Variants in USP35 observed in about 807,000 individuals in gnomAD.
USP35 encodes the protein ubiquitin carboxyl-terminal hydrolase 35.
Under a neutral mutation model 83.8 loss-of-function variants are expected in USP35, and 69 were observed. The observed-to-expected ratio is 0.82, with a 90% confidence interval of 0.68 to 1.01. The LOEUF is 1.01. Ranked by LOEUF, USP35 falls within the 50% of genes least tolerant of loss-of-function variation. The pLI is 0.00. For missense variants in USP35, 1,503 were observed against 1,362.5 expected (o/e 1.10, Z -1.62); for synonymous variants, 714 against 589.5 (o/e 1.21, Z -3.06).
downstream of USP35, chr11:78,215,902 G>C (rs1218879282): frequency 6.5e-6 from 1 of 152,700 alleles, no homozygotes; most frequent in Admixed American, 6.5e-5. Context: ...CATGGGAGAA[G>C]GGGCCAGAGG....
At chr11:78,205,769 C>T (rs1312360535) in intron 6 of USP35, 73 bp from the exon 7 acceptor site, 1 of 1,524,778 alleles carries the variant, frequency 6.6e-7, no homozygotes, top group African/African-American at 1.4e-5. Flanking sequence ...AGAAGGCCTC[C>T]CAGAAGAGGT....
the USP35 span, chr11:78,226,727 A>T: frequency 6.2e-7 from 1 of 1,614,052 alleles, no homozygotes; most frequent in Non-Finnish European, 8.5e-7. Flanking sequence ...TGGCCGGAAC[A>T]TCCATATTGT....
In USP35 at chr11:78,205,849, A is replaced by G. The variant is rs1308758403; in HGVS notation, c.1205A>G (p.His402Arg). ...EPVMEAIKDLHVPNEDRIKQL... is the reference protein window; with the variant it reads ...EPVMEAIKDLRVPNEDRIKQL... ...TGCTTATTCCCTCCTCAGGACCTCC[A>G]TGTTCCCAATGAGGACCGCATCAAG... The change falls in exon 7 of 11, where the codon CAT (histidine) becomes CGT (arginine). Residue 402 changes from histidine (H) to arginine (R), a missense_variant. Physicochemically the swap from His to Arg is conservative, Grantham distance 29. Coordinates refer to ENST00000529308, the MANE Select transcript of USP35 (RefSeq NM_020798.4). 4 of 1,612,834 alleles carry G rather than the reference A, an allele frequency of 2.5e-6. No individual in the cohort carries two copies. Among genetic ancestry groups the G allele is most frequent in the East Asian group, 2.2e-5 (1 of 44,840 alleles).
intron 3 of USP35, among the ~76,000 whole-genome samples, chr11:78,198,297 C>T (rs1487464204): frequency 6.6e-6 from 1 of 152,214 alleles, no homozygotes; most frequent in Non-Finnish European, 1.5e-5. Context: ...GGCCAGGTAC[C>T]AGCAGTGTGA....
In USP35 at chr11:78,198,026, A is replaced by G. The variant is rs1863208688; in HGVS notation, c.764A>G (p.Asp255Gly). 1 of 1,614,114 alleles carries G rather than the reference A, an allele frequency of 6.2e-7. No homozygotes were observed. Among genetic ancestry groups the G allele is most frequent in the Admixed American group, 1.7e-5 (1 of 60,002 alleles). ...GGTGTTGTCCGGAACCTCAGCAATG[A>G]TGACAGTGTGACAGACTCGCAGATG... is the stretch of plus-strand genomic sequence containing the variant. The part of the protein sequence containing the change: ...MDGVVRNLSN[D>G]DSVTDSQMLT... Residue 255 changes from aspartate to glycine, a missense_variant, in exon 3 of 11, where the codon GAT becomes GGT. Physicochemically the swap from Asp to Gly is moderately conservative, Grantham distance 94. Coordinates refer to ENST00000529308, the MANE Select transcript of USP35 (RefSeq NM_020798.4).
At chr11:78,225,039 A>T in the USP35 span, 2 of 934,378 alleles carry the variant, frequency 2.1e-6, no homozygotes, top group Non-Finnish European at 3.4e-6. Context: ...TTGTGCTTTT[A>T]ATTCCATAAG....
In USP35 at chr11:78,196,567, C is replaced by T; in HGVS notation, c.322C>T (p.Leu108=). 4 of 1,242,796 alleles carry T rather than the reference C, an allele frequency of 3.2e-6. No homozygotes were observed. Among genetic ancestry groups the T allele is most frequent in the Non-Finnish European group, 4.0e-6 (4 of 990,558 alleles). 77.0% of individuals were successfully genotyped at this position (1,242,796 alleles called of 1,614,324 possible). Residue 108 remains leucine (L), a synonymous_variant, in exon 2 of 11, where the codon CTG becomes TTG. Transcript: ENST00000529308. The surrounding 1 kb of genome is among the most constrained non-coding windows in gnomAD (Gnocchi z 4.8). ...CGCGCTCGCCTGCGTGCAGCTGGGT[C>T]TGCAGCTGCTGCCCGAGGGGCCTGC... is the stretch of plus-strand genomic sequence containing the variant. ...PRALACVQLG[L]QLLPEGPAAD...
At chr11:78,232,488 T>C in the USP35 span, among the ~76,000 whole-genome samples, 1 of 152,238 alleles carries the variant, frequency 6.6e-6, no homozygotes. Context: ...AAAAGAACTC[T>C]ATTTGTCTTG....
intron 10 of USP35, 149 bp from the exon 11 acceptor site, chr11:78,213,497 C>CA (rs1863888282): frequency 1.1e-6 from 1 of 917,150 alleles, no homozygotes; most frequent in Non-Finnish European, 1.5e-6. Flanking sequence ...GTGTCCACCC[C>CA]GGATATCCTG....
chr11:78,212,933 T>G (rs1403186585), intron 10 of USP35, among the ~76,000 whole-genome samples: 1 of 152,108 alleles, frequency 6.6e-6, no homozygotes, highest in East Asian at 1.9e-4. Context: ...GGGGTCCCAC[T>G]ACCCACGTGA....
chr11:78,215,527 A>AATTTTAAATGGTAACAAG (rs1379155590), downstream of USP35: 6 of 152,658 alleles, frequency 3.9e-5, no homozygotes, highest in Non-Finnish European at 8.8e-5. Flanking sequence ...ATTAAATGTC[A>AATTTTAAATGGTAACAAG]ATTTTAAATG....
intron 1 of USP35, among the ~76,000 whole-genome samples, chr11:78,195,689 A>G (rs1863120825): frequency 6.6e-6 from 1 of 152,176 alleles, no homozygotes; most frequent in Non-Finnish European, 1.5e-5. Flanking sequence ...AGGCTCACGT[A>G]GCCTTTGTGC....
rs1862913148 is a variant in USP35 at position 78,188,950 on chromosome 11, C to T, written c.-218C>T. The T allele has an allele frequency of 4.1e-6, 4 of 985,660 alleles. No individual in the cohort carries two copies. Among genetic ancestry groups the T allele is most frequent in the Non-Finnish European group, 4.8e-6 (4 of 830,110 alleles). 61.1% of individuals were successfully genotyped at this position (985,660 alleles called of 1,614,324 possible). Reference sequence around the variant, plus strand: ...GGGGCCGCGCCGCAGAGTCGGGCTTCCTGGATACATAGAGGCTTGTGCCAG... The same window carrying T: ...GGGGCCGCGCCGCAGAGTCGGGCTTTCTGGATACATAGAGGCTTGTGCCAG... On this transcript the variant is annotated 5_prime_UTR_variant, in exon 1 of 11. Transcript: ENST00000529308.
the USP35 span, among the ~76,000 whole-genome samples, chr11:78,225,944 A>C: frequency 3.3e-5 from 5 of 152,350 alleles, no homozygotes. Context: ...GCAGAGTTGG[A>C]ATACTCTCAG....
chr11:78,212,137 G>A (rs1056905950), intron 10 of USP35, among the ~76,000 whole-genome samples: 5 of 152,202 alleles, frequency 3.3e-5, no homozygotes, highest in Non-Finnish European at 5.9e-5. Context: ...GGAGGGGGTC[G>A]AATGTCAACA....
In USP35 at chr11:78,210,691, C is replaced by T. The variant is rs771210122; in HGVS notation, c.2836C>T (p.Leu946=). The T allele has an allele frequency of 6.3e-7, 1 of 1,597,972 alleles. No individual in the cohort carries two copies. Among genetic ancestry groups the T allele is most frequent in the Non-Finnish European group, 8.5e-7 (1 of 1,171,196 alleles). The part of the protein sequence containing the change: ...GSSRVRTEPT[L]HKDLMEAISK... ...TTCTAGAGTCCGGACAGAGCCCACC[C>T]TGCACAAGGACTTGATGGAAGCCAT... The change falls in exon 10 of 11, where the codon CTG becomes TTG. Residue 946 remains leucine, a synonymous_variant. Coordinates refer to ENST00000529308, the MANE Select transcript of USP35 (RefSeq NM_020798.4).
chr11:78,206,899 T>G (rs1275997906), intron 7 of USP35, among the ~76,000 whole-genome samples: 1 of 150,942 alleles, frequency 6.6e-6, no homozygotes, highest in African/African-American at 2.4e-5. Context: ...TCCTATAGGA[T>G]CAGACCCTTC....
At chr11:78,236,777 T>G in the USP35 span, among the ~76,000 whole-genome samples, 15 of 134 alleles carry the variant, frequency 0.11, no homozygotes, top group African/African-American at 0.39. Context: ...CTTTGATTGT[T>G]TTTTTTTTGA....
chr11:78,201,474 G>A (rs978484790), intron 6 of USP35, among the ~76,000 whole-genome samples: 7 of 152,222 alleles, frequency 4.6e-5, no homozygotes, highest in Admixed American at 2.0e-4. Flanking sequence ...AACTCTGGTC[G>A]GAGCAGCTTT....
Sources: allele counts gnomAD v4.1 joint callset (sites outside exome capture counted in the v4.1 genomes callset), GRCh38; gene constraint gnomAD v4.1.1; non-coding constraint Gnocchi (gnomAD v3.1); transcripts MANE v1.5; gene names NCBI Gene and HGNC (gene_info 2026-07-23, HGNC 2026-07-21).